Variants in ROCK1 observed in about 807,000 individuals in gnomAD.
ROCK1 encodes rho-associated protein kinase 1.
Under a neutral mutation model 196.8 loss-of-function variants are expected in ROCK1, and 36 were observed. The observed-to-expected ratio is 0.18, with a 90% CI of 0.14 to 0.24. ROCK1 has a LOEUF of 0.24. Among genes scored for constraint, ROCK1 ranks in the 10% least tolerant of loss-of-function variants. ROCK1 has a pLI of 1.00. For synonymous variants in ROCK1, 443 were observed against 515.9 expected (o/e 0.86, Z 1.91); for missense variants, 920 against 1,562.0 (o/e 0.59, Z 6.93).
chr18:21,059,180 A>G (rs1431304468), intron 2 of ROCK1, among the ~76,000 whole-genome samples: 1 of 152,164 alleles, frequency 6.6e-6, no homozygotes. Context: ...AGTTATTTGC[A>G]ATTATCTATA....
At chr18:21,047,005 T>C (rs1444532743) in intron 4 of ROCK1, among the ~76,000 whole-genome samples, 1 of 152,076 alleles carries the variant, frequency 6.6e-6, no homozygotes, top group African/African-American at 2.4e-5. Flanking sequence ...AAAATGTATT[T>C]TGGGGGAAGA....
At chr18:20,961,362 T>C (rs1001358938) in intron 27 of ROCK1, among the ~76,000 whole-genome samples, 3 of 152,222 alleles carry the variant, frequency 2.0e-5, no homozygotes, top group African/African-American at 7.2e-5. Flanking sequence ...TACTGATTTA[T>C]TTATTCATAA....
At chr18:21,078,384 A>C (rs1361073973) in intron 1 of ROCK1, among the ~76,000 whole-genome samples, 1 of 149,910 alleles carries the variant, frequency 6.7e-6, no homozygotes, top group Non-Finnish European at 1.5e-5. Context: ...AGAGAGAGAG[A>C]GAGAGAGAGA....
In ROCK1 at chr18:20,967,020, T is replaced by C. The variant is rs560780988; in HGVS notation, c.3249A>G (p.Lys1083=). The change falls in exon 27 of 33, where the codon AAA becomes AAG. Residue 1083 remains lysine, a synonymous_variant. Coordinates refer to ENST00000399799, the MANE Select transcript of ROCK1 (RefSeq NM_005406.3). ...RNELQMQLAS[K]ESDIEQLRAK... The stretch of plus-strand genomic sequence containing the variant: ...CACGCAATTGCTCAATATCACTCTC[T>C]TTGCTGGCCAACTGCATCTGAAGCT... 2 of 1,613,388 alleles carry C rather than the reference T, an allele frequency of 1.2e-6. No homozygotes were observed. The highest frequency in any genetic ancestry group is 1.1e-5 in the South Asian group (1 of 91,054).
intron 1 of ROCK1, among the ~76,000 whole-genome samples, chr18:21,070,882 C>T (rs149296229): frequency 6.6e-6 from 1 of 152,208 alleles, no homozygotes; most frequent in Non-Finnish European, 1.5e-5. Context: ...TGCACTTTTC[C>T]CCTCATAAGG....
intron 19 of ROCK1, among the ~76,000 whole-genome samples, chr18:20,985,612 C>G (rs1158955006): frequency 4.6e-5 from 7 of 152,214 alleles, no homozygotes; most frequent in Non-Finnish European, 1.0e-4. Flanking sequence ...AGTTCCAACA[C>G]AGTCAGGACC....
chr18:20,971,665 A>AAAAT (rs56208525), intron 22 of ROCK1, among the ~76,000 whole-genome samples: 134 of 137,784 alleles, frequency 9.7e-4, no homozygotes, highest in East Asian at 2.1e-3. Flanking sequence ...CTCCGTCTCA[A>AAAAT]AAATAAATAA....
intron 29 of ROCK1, among the ~76,000 whole-genome samples, chr18:20,959,132 A>ATATATATTATATAATATATACAT (rs1568367515): frequency 1.9e-5 from 1 of 52,174 alleles, no homozygotes; most frequent in Non-Finnish European, 2.8e-5. Context: ...TATATATATT[A>ATATATATTATATAATATATACAT]TATATATTAT....
rs189636713 is a variant in ROCK1 at position 21,043,979 on chromosome 18, C to G, written c.675+123G>C. 3.9e-4 allele frequency: 238 copies of G among 603,686 alleles called. 3 individuals are homozygous for G. The East Asian group carries it at 6.5e-3, about 17-fold the overall frequency. The allele number at this position is 603,686 out of a possible 1,614,324, so 37.4% of individuals were successfully genotyped here. On this transcript the variant is annotated intron_variant, in intron 6 of 32. Transcript: ENST00000399799. ...TTCAACAAATAAGGTCATATTAATT[C>G]TGGACAAGTCCAGCTATGGTTAGTA...
intron 32 of ROCK1, among the ~76,000 whole-genome samples, chr18:20,952,313 C>T (rs1254100261): frequency 6.6e-6 from 1 of 152,042 alleles, no homozygotes; most frequent in Non-Finnish European, 1.5e-5. Context: ...ACCTGGGAGG[C>T]AGAGGTTGCA....
chr18:21,024,603 A>T (rs2035941310), intron 10 of ROCK1, among the ~76,000 whole-genome samples: 1 of 152,206 alleles, frequency 6.6e-6, no homozygotes, highest in Non-Finnish European at 1.5e-5. Context: ...ATGTGTTAAC[A>T]CACCAGATAT....
chr18:20,951,850 G>A (rs1267704111), intron 32 of ROCK1, among the ~76,000 whole-genome samples: 1 of 152,228 alleles, frequency 6.6e-6, no homozygotes, highest in Non-Finnish European at 1.5e-5. Flanking sequence ...GCAAATCAGT[G>A]TTAGGTCTCA....
chr18:21,099,304 A>G (rs559638848), intron 1 of ROCK1, among the ~76,000 whole-genome samples: 160 of 152,368 alleles, frequency 1.1e-3, no homozygotes, highest in Admixed American at 2.8e-3. Context: ...GTATATGTGT[A>G]TATGGATACA....
intron 6 of ROCK1, 103 bp from the exon 7 acceptor site, chr18:21,042,812 C>G: frequency 8.9e-7 from 1 of 1,127,966 alleles, no homozygotes; most frequent in Non-Finnish European, 1.2e-6. Context: ...AATCTTTGAG[C>G]TATAAAATAT....
chr18:21,037,854 G>A (rs529136860), intron 9 of ROCK1, among the ~76,000 whole-genome samples: 1 of 152,122 alleles, frequency 6.6e-6, no homozygotes, highest in Non-Finnish European at 1.5e-5. Flanking sequence ...ATTGAACAGT[G>A]ATCAATATAC....
chr18:21,032,818 G>T (rs957333025), intron 9 of ROCK1, among the ~76,000 whole-genome samples: 5 of 150,018 alleles, frequency 3.3e-5, no homozygotes, highest in Admixed American at 2.7e-4. Context: ...CACCACACCC[G>T]GCCTACAGTG....
At chr18:21,060,153 A>G (rs897974789) in intron 2 of ROCK1, among the ~76,000 whole-genome samples, 2 of 152,198 alleles carry the variant, frequency 1.3e-5, no homozygotes, top group Non-Finnish European at 2.9e-5. Flanking sequence ...TACACCCAAA[A>G]AGCTCACTGA....
chr18:20,972,275 T>A (rs73431079), intron 22 of ROCK1, among the ~76,000 whole-genome samples: 4 of 152,106 alleles, frequency 2.6e-5, no homozygotes, highest in Admixed American at 2.6e-4. Context: ...CTTAAACAAC[T>A]AGGAATAACA....
intron 20 of ROCK1, 108 bp downstream of exon 20, chr18:20,984,243 T>C: frequency 1.2e-6 from 1 of 834,496 alleles, no homozygotes; most frequent in Non-Finnish European, 1.8e-6. Flanking sequence ...TTTTTCTGTC[T>C]TTCACAAACT....
Sources: gnomAD v4.1 joint callset for allele counts (sites outside exome capture counted in the v4.1 genomes callset) on GRCh38, gnomAD v4.1.1 for gene constraint, MANE v1.5 for transcripts, NCBI Gene and HGNC (gene_info 2026-07-23, HGNC 2026-07-21) for gene names.